HERC5: variants seen among roughly 807,000 people sequenced by gnomAD.
HERC5 encodes HECT and RLD domain containing E3 ubiquitin protein ligase 5.
A neutral mutation model predicts 119.6 loss-of-function variants in HERC5; 99 were observed. The observed-to-expected ratio is 0.83, with a 90% CI of 0.70 to 0.98. The LOEUF is 0.98. HERC5 is among the 50% of genes least tolerant of loss of function. The pLI is 0.00. For missense variants in HERC5, 1,267 were observed against 1,241.3 expected (o/e 1.02, Z -0.31); for synonymous variants, 478 against 445.9 (o/e 1.07, Z -0.91).
At chr4:88,504,657 T>A in intron 22 of HERC5, 60 bp downstream of exon 22, 1 of 1,071,644 alleles carries the variant, frequency 9.3e-7, no homozygotes, top group African/African-American at 1.6e-5. Context: ...GGATAAAAAT[T>A]TCCTTTATGA....
rs151305721 is a variant in HERC5 at position 88,468,404 on chromosome 4, G to C, written c.1116G>C (p.Leu372Phe). The stretch of plus-strand genomic sequence containing the variant: ...TTGCTGGAGGGAATCAAAGCATTTT[G>C]CTCTGGATAAAGAAAGAGGTAAAAA... The part of the protein sequence containing the change: ...IMIAGGNQSI[L>F]LWIKKENSYV... Residue 372 changes from leucine to phenylalanine, a missense_variant, in exon 8 of 23, where the codon TTG becomes TTC. Transcript: ENST00000264350. 337 of 1,610,430 alleles carry C rather than the reference G, an allele frequency of 2.1e-4. No homozygotes were observed. Among genetic ancestry groups the C allele is most frequent in the Admixed American group, 6.9e-4 (41 of 59,802 alleles).
chr4:88,482,664 T>G (rs2149099214), intron 13 of HERC5, among the ~76,000 whole-genome samples: 1 of 152,126 alleles, frequency 6.6e-6, no homozygotes, highest in Non-Finnish European at 1.5e-5. Flanking sequence ...AATAGACAGG[T>G]CCCCCTGGCC....
Position 88,457,141 on chromosome 4 carries a change from C to T in HERC5, c.-129C>T, listed in dbSNP as rs200010865. On this transcript the variant is annotated 5_prime_UTR_variant, in exon 1 of 23. Coordinates refer to ENST00000264350, the MANE Select transcript of HERC5 (RefSeq NM_016323.4). ...CTCAGTAGCTGAGGCTGCGGTTCCC[C>T]GACGCCACGCAGCTGCGCGCAGCTG... The T allele has an allele frequency of 8.1e-7, 1 of 1,232,034 alleles. No homozygotes were observed. 76.3% of individuals were successfully genotyped at this position (1,232,034 alleles called of 1,614,324 possible).
Position 88,457,470 on chromosome 4 carries a change from A to G in HERC5, c.201A>G (p.Glu67=). ...CGCCGGGGCGCCTCGCGGTCTTGGA[A>G]CGCGGCGGGGCGGGCGTCCAGGTTC... ...CCSPGRLAVL[E]RGGAGVQVHQ... Residue 67 remains glutamate, a synonymous_variant, in exon 1 of 23, where the codon GAA becomes GAG. Transcript: ENST00000264350. 1 of 1,331,058 alleles carries G rather than the reference A, an allele frequency of 7.5e-7. No individual in the cohort carries two copies. The highest frequency in any genetic ancestry group is 2.1e-5 in the South Asian group (1 of 47,692). The allele number at this position is 1,331,058 out of a possible 1,614,324, so 82.5% of individuals were successfully genotyped here.
chr4:88,457,830 T>C (rs1400017312), intron 1 of HERC5: 2 of 833,864 alleles, frequency 2.4e-6, no homozygotes, highest in Non-Finnish European at 3.1e-6. Context: ...GGCTTTCTCA[T>C]AGGTTTCTGT....
chr4:88,482,015 A>G (rs1004261892), intron 13 of HERC5, among the ~76,000 whole-genome samples: 4 of 152,230 alleles, frequency 2.6e-5, no homozygotes, highest in Admixed American at 2.6e-4. Context: ...TCTACATTGA[A>G]AAATGGTGGC....
chr4:88,458,537 A>G (rs1417829871), intron 1 of HERC5, among the ~76,000 whole-genome samples: 2 of 151,814 alleles, frequency 1.3e-5, no homozygotes, highest in African/African-American at 2.4e-5. Flanking sequence ...TTTTCAACTG[A>G]TTTGAAATGC....
At chr4:88,469,302 A>C in intron 9 of HERC5, 42 bp downstream of exon 9, 109 of 1,336,018 alleles carry the variant, frequency 8.2e-5, no homozygotes, top group Non-Finnish European at 1.1e-4. Context: ...TATCACTCTC[A>C]AGTATCATTT....
In HERC5 at chr4:88,462,183, T is replaced by C; in HGVS notation, c.515T>C (p.Val172Ala). The change falls in exon 4 of 23, where the codon GTT becomes GCT. Residue 172 changes from valine to alanine, a missense_variant. Coordinates refer to ENST00000264350, the MANE Select transcript of HERC5 (RefSeq NM_016323.4). ...CAGAACCTGCATGGGCAGCTTGGAG[T>C]TGGAAGGAAATTTCCCTCAACCACC... ...WGQNLHGQLG[V>A]GRKFPSTTTP... The C allele has an allele frequency of 6.2e-7, 1 of 1,614,032 alleles. No individual in the cohort carries two copies.
chr4:88,479,372 G>A lies in HERC5; in HGVS notation c.1602G>A (p.Leu534=). Residue 534 remains leucine (L), a synonymous_variant, in exon 13 of 23, where the codon CTG becomes CTA. Transcript: ENST00000264350. ...CCTCAGAAGAGTATTGGGCAACTCT[G>A]CAAGAATCCACTTTCAGCAAACTGG... ...SLVLEEYWAT[L]QESTFSKLVQ... The A allele has an allele frequency of 6.2e-7, 1 of 1,606,466 alleles. No homozygotes were observed. The highest frequency in any genetic ancestry group is 8.5e-7 in the Non-Finnish European group (1 of 1,177,844).
At chr4:88,467,666 G>T (rs1022106230) in intron 7 of HERC5, among the ~76,000 whole-genome samples, 2 of 152,204 alleles carry the variant, frequency 1.3e-5, no homozygotes, top group Non-Finnish European at 2.9e-5. Flanking sequence ...ACAGTTCCTG[G>T]GAGGTGTATT....
In HERC5 at chr4:88,467,213, T is replaced by C. The variant is rs774824003; in HGVS notation, c.1057+9T>C. The C allele has an allele frequency of 1.2e-6, 2 of 1,613,740 alleles. No individual in the cohort carries two copies. The highest frequency in any genetic ancestry group is 4.5e-5 in the East Asian group (2 of 44,884). On this transcript the variant is annotated intron_variant, in intron 7 of 22. Coordinates refer to ENST00000264350, the MANE Select transcript of HERC5 (RefSeq NM_016323.4). Reference sequence around the variant, plus strand: ...TGAAGAACTCAAACTTGGTAAATTCTATAGGAACATAGGGTTTGGCATAGT... The same window carrying C: ...TGAAGAACTCAAACTTGGTAAATTCCATAGGAACATAGGGTTTGGCATAGT...
At chr4:88,500,183 C>T (rs1741907818) in intron 19 of HERC5, among the ~76,000 whole-genome samples, 191 bp downstream of exon 19, 1 of 152,126 alleles carries the variant, frequency 6.6e-6, no homozygotes, top group African/African-American at 2.4e-5. Context: ...AAACCTAGTG[C>T]CCTAAAAGAA....
chr4:88,501,917 G>A (rs1741958433), intron 20 of HERC5, among the ~76,000 whole-genome samples: 1 of 152,064 alleles, frequency 6.6e-6, no homozygotes, highest in Non-Finnish European at 1.5e-5. Flanking sequence ...TCCTGCCTCA[G>A]CCTCCTGAGT....
At chr4:88,485,389 A>G (rs1404884577) in intron 13 of HERC5, among the ~76,000 whole-genome samples, 3 of 152,332 alleles carry the variant, frequency 2.0e-5, no homozygotes, top group East Asian at 3.9e-4. Context: ...CCAGAGGGCC[A>G]TAGTTACAGG....
Position 88,463,590 on chromosome 4 carries a change from T to A in HERC5, c.747T>A (p.Ala249=), listed in dbSNP as rs747219808. The change falls in exon 5 of 23, where the codon GCT becomes GCA. Residue 249 remains alanine, a synonymous_variant. Transcript: ENST00000264350. The part of the protein sequence containing the change: ...GLDNQKVEFV[A]CGGSHSALLT... ...ACAATCAGAAAGTTGAATTTGTCGC[T>A]TGTGGTGGCTCTCACAGTGCCCTAC... The A allele has an allele frequency of 6.2e-7, 1 of 1,613,792 alleles. No homozygotes were observed. The highest frequency in any genetic ancestry group is 2.2e-5 in the East Asian group (1 of 44,862).
rs774484061 is a variant in HERC5 at position 88,457,383 on chromosome 4, C to A, written c.114C>A (p.Ser38Arg). 7.1e-6 allele frequency: 10 copies of A among 1,410,094 alleles called. No homozygotes were observed. The South Asian group carries it at 8.9e-5, about 13-fold the overall frequency. 87.3% of individuals were successfully genotyped at this position (1,410,094 alleles called of 1,614,324 possible). The stretch of plus-strand genomic sequence containing the variant: ...GCGCACAGCTCTGGCTCTTTCCCAG[C>A]GCCGCGGGCCTCCACCGCGCGCTGC... Reference protein sequence around the residue: ...SPGAQLWLFPSAAGLHRALLR... With the variant: ...SPGAQLWLFPRAAGLHRALLR... Residue 38 changes from serine (S) to arginine (R), a missense_variant, in exon 1 of 23, where the codon AGC (serine) becomes AGA (arginine). Ser to Arg is a moderately radical substitution (Grantham distance 110). Around this residue, in one of 3 missense-constraint regions of HERC5, gnomAD observed 777 missense variants for 758.0 expected, o/e 1.03. Transcript: ENST00000264350.
At chr4:88,472,712 A>G (rs879061385) in intron 11 of HERC5, among the ~76,000 whole-genome samples, 1 of 152,220 alleles carries the variant, frequency 6.6e-6, no homozygotes, top group African/African-American at 2.4e-5. Flanking sequence ...GATATTCTAA[A>G]TAGTGTGTCT....
Position 88,489,320 on chromosome 4 carries a change from TGAGGA to T in HERC5, c.2118_2122del (p.Lys708ValfsTer6), listed in dbSNP as rs1439638661. On this transcript the variant is annotated frameshift_variant, in exon 16 of 23. Coordinates refer to ENST00000264350, the MANE Select transcript of HERC5 (RefSeq NM_016323.4). LOFTEE classifies it high-confidence loss of function. Reference sequence around the variant, plus strand: ...CTAAGTCAATTTGAGAATGAAGACCTGAGGAAAGAGTTATGGGTAAGGTGTAATTC... The same window carrying T: ...CTAAGTCAATTTGAGAATGAAGACCTAAGAGTTATGGGTAAGGTGTAATTC... 2 of 1,612,170 alleles carry T rather than the reference TGAGGA, an allele frequency of 1.2e-6. No homozygotes were observed. Among genetic ancestry groups the T allele is most frequent in the Admixed American group, 3.4e-5 (2 of 59,650 alleles).
Sources: allele counts gnomAD v4.1 joint callset (sites outside exome capture counted in the v4.1 genomes callset), GRCh38; gene constraint gnomAD v4.1.1; regional missense constraint gnomAD v4.1.1; transcripts MANE v1.5; gene names NCBI Gene and HGNC (gene_info 2026-07-23, HGNC 2026-07-21).